The following KCNH1 variants were observed in gnomAD, a reference collection of about 807,000 sequenced individuals.
The protein encoded by KCNH1 is voltage-gated delayed rectifier potassium channel KCNH1.
KCNH1 carries 27 observed loss-of-function variants against 69.2 expected under a neutral mutation model. The observed-to-expected ratio is 0.39, with a 90% confidence interval of 0.29 to 0.54. The LOEUF (loss-of-function observed/expected upper bound fraction) is 0.54, where lower values mean the gene tolerates loss of function less well. Ranked by LOEUF, KCNH1 falls within the 20% of genes least tolerant of loss-of-function variation. The pLI, the probability that KCNH1 is intolerant of heterozygous loss-of-function variation, is 0.68. For missense variants in KCNH1, 798 were observed against 1,261.6 expected (o/e 0.63, Z 5.57); for synonymous variants, 456 against 487.7 (o/e 0.93, Z 0.86).
intron 7 of KCNH1, among the ~76,000 whole-genome samples, chr1:210,885,474 C>G (rs978349839): frequency 1.3e-5 from 2 of 151,908 alleles, no homozygotes; most frequent in African/African-American, 4.9e-5. Context: ...AAGCACAAAA[C>G]CGGGCTGCCA....
At chr1:210,850,225 G>C (rs1685668827) in intron 7 of KCNH1, among the ~76,000 whole-genome samples, 1 of 152,108 alleles carries the variant, frequency 6.6e-6, no homozygotes, top group Non-Finnish European at 1.5e-5. Context: ...GGGGCCAGGT[G>C]CGGTGGCTCA....
At chr1:211,021,734 T>C (rs1347928059) in intron 5 of KCNH1, among the ~76,000 whole-genome samples, 2 of 151,796 alleles carry the variant, frequency 1.3e-5, no homozygotes, top group Non-Finnish European at 2.9e-5. Context: ...CCATTATCAA[T>C]AGCTACAAAA....
At chr1:211,115,209 G>A (rs1025802319) in intron 1 of KCNH1, among the ~76,000 whole-genome samples, 26 of 152,248 alleles carry the variant, frequency 1.7e-4, no homozygotes, top group African/African-American at 5.5e-4. Context: ...GGCAGTTCTC[G>A]AACTCCTAAC....
intron 6 of KCNH1, among the ~76,000 whole-genome samples, chr1:211,017,365 C>T (rs147711308): frequency 2.0e-5 from 3 of 152,272 alleles, no homozygotes; most frequent in East Asian, 3.9e-4. Context: ...TTCCTTTCAA[C>T]GTTCTCAAGC....
rs556337298 is a variant in KCNH1, at chr1:210,995,242, T to C, written c.1032+23541A>G. On this transcript the variant is annotated intron_variant, in intron 6 of 10. Transcript: ENST00000271751. ...CAGATTCAAGAGGCTTATATTTTTC[T>C]GCCTTTTGCCATTCTTCCTTTTTTC... 3.0e-4 allele frequency among the ~76,000 whole-genome samples: 45 copies of C among 152,340 alleles called. No individual in the cohort carries two copies. In the South Asian group the frequency reaches 9.1e-3, roughly 31 times the overall value.
chr1:210,813,505 G>T (rs1684751573), intron 7 of KCNH1, among the ~76,000 whole-genome samples: 1 of 152,194 alleles, frequency 6.6e-6, no homozygotes. Context: ...ACCAGACTTA[G>T]TCCTTATTCA....
intron 10 of KCNH1, among the ~76,000 whole-genome samples, chr1:210,745,786 G>C (rs757736104): frequency 6.6e-6 from 1 of 152,158 alleles, no homozygotes; most frequent in Non-Finnish European, 1.5e-5. Context: ...TTCAGGGGAG[G>C]CCTTAGGGGA....
intron 10 of KCNH1, among the ~76,000 whole-genome samples, chr1:210,687,147 A>G (rs1681424216): frequency 6.6e-6 from 1 of 152,244 alleles, no homozygotes; most frequent in Non-Finnish European, 1.5e-5. Flanking sequence ...ACTTATGAAA[A>G]GGAAGTTCTT....
At chr1:210,829,038 A>G (rs1342659145) in intron 7 of KCNH1, among the ~76,000 whole-genome samples, 1 of 152,158 alleles carries the variant, frequency 6.6e-6, no homozygotes, top group Non-Finnish European at 1.5e-5. Context: ...GTTTTCAAGT[A>G]TGTTGTGTAG....
chr1:210,916,454 C>A (rs1261434624), intron 7 of KCNH1, among the ~76,000 whole-genome samples: 1 of 152,102 alleles, frequency 6.6e-6, no homozygotes, highest in Non-Finnish European at 1.5e-5. Flanking sequence ...AACAAACAAG[C>A]AAAGAAAAAG....
chr1:210,815,214 C>A (rs1389079620), intron 7 of KCNH1, among the ~76,000 whole-genome samples: 1 of 152,170 alleles, frequency 6.6e-6, no homozygotes, highest in African/African-American at 2.4e-5. Context: ...GTTTGAGAAA[C>A]ACTGGTTTAT....
At chr1:211,110,889 C>T (rs1285496440) in intron 1 of KCNH1, among the ~76,000 whole-genome samples, 1 of 151,952 alleles carries the variant, frequency 6.6e-6, no homozygotes, top group Non-Finnish European at 1.5e-5. Context: ...AGCTCTAATG[C>T]ATGTTATTTA....
intron 10 of KCNH1, among the ~76,000 whole-genome samples, chr1:210,699,579 A>C (rs1681724231): frequency 6.6e-6 from 1 of 152,182 alleles, no homozygotes; most frequent in Non-Finnish European, 1.5e-5. Context: ...GAGAAGCTGG[A>C]CAGAAGGTGG....
intron 7 of KCNH1, chr1:210,860,974 A>G (rs1685965766): frequency 2.0e-6 from 2 of 998,234 alleles, no homozygotes; most frequent in Non-Finnish European, 3.2e-6. Flanking sequence ...TAAAGAGCCA[A>G]TCATGCAGGG....
At position 210,891,687 on chromosome 1, in the gene KCNH1, C is replaced by T. The variant is rs189785261; in HGVS notation, c.1462+27953G>A. Among the ~76,000 whole-genome samples, 1,359 of 152,042 alleles carry T rather than the reference C, an allele frequency of 8.9e-3. 8 individuals are homozygous for T. Among genetic ancestry groups the T allele is most frequent in the Non-Finnish European group, 0.015 (1,044 of 67,966 alleles). ...TTCAAGGATCTAGAACCAAAAATAC[C>T]ATTTGACCCAGCAATCCTATTACTG... On this transcript the variant is annotated intron_variant, in intron 7 of 10. Coordinates refer to ENST00000271751, the MANE Select transcript of KCNH1 (RefSeq NM_172362.3).
intron 6 of KCNH1, among the ~76,000 whole-genome samples, chr1:211,000,242 T>C (rs1381165777): frequency 1.3e-5 from 2 of 152,228 alleles, no homozygotes; most frequent in African/African-American, 2.4e-5. Flanking sequence ...GCAGATGTCA[T>C]GATTGTATAT....
At chr1:211,086,793 A>C (rs1032823265) in intron 4 of KCNH1, among the ~76,000 whole-genome samples, 2 of 152,174 alleles carry the variant, frequency 1.3e-5, no homozygotes, top group African/African-American at 4.8e-5. Flanking sequence ...CAGGGGTACC[A>C]AAAAAGACAG....
intron 7 of KCNH1, among the ~76,000 whole-genome samples, chr1:210,807,859 G>C (rs1483761864): frequency 6.6e-6 from 1 of 152,124 alleles, no homozygotes; most frequent in Non-Finnish European, 1.5e-5. Context: ...AAAAAAATAA[G>C]AGAGAAATGC....
intron 10 of KCNH1, among the ~76,000 whole-genome samples, chr1:210,709,310 G>A (rs751720298): frequency 9.2e-5 from 14 of 152,206 alleles, no homozygotes; most frequent in Non-Finnish European, 1.3e-4. Flanking sequence ...GTTGATGAAG[G>A]CAGAGATTGG....
Sources: gnomAD v4.1 joint callset for allele counts (sites outside exome capture counted in the v4.1 genomes callset) on GRCh38, gnomAD v4.1.1 for gene constraint, MANE v1.5 for transcripts, NCBI Gene and HGNC (gene_info 2026-07-23, HGNC 2026-07-21) for gene names.